The following PIP5K1B variants were observed in gnomAD, a reference collection of about 807,000 sequenced individuals.
PIP5K1B encodes the protein phosphatidylinositol-4-phosphate 5-kinase type 1 beta, also known as phosphatidylinositol 4-phosphate 5-kinase type-1 beta.
PIP5K1B carries 42 observed loss-of-function variants against 67.0 expected under a neutral mutation model. The ratio of observed to expected loss-of-function variants is 0.63; its 90% CI spans 0.49 to 0.81. The LOEUF is 0.81. PIP5K1B is among the 30% of genes least tolerant of loss of function. The pLI is 0.00. For missense variants in PIP5K1B, 459 were observed against 646.3 expected, an observed-to-expected ratio of 0.71 and a Z score of 3.14; for synonymous variants, 214 against 231.4, an observed-to-expected ratio of 0.92 and a Z score of 0.68.
chr9:68,846,192 A>G (rs1388185245), intron 4 of PIP5K1B, among the ~76,000 whole-genome samples: 1 of 152,208 alleles, frequency 6.6e-6, no homozygotes, highest in African/African-American at 2.4e-5. Flanking sequence ...CCCAGGAAAC[A>G]CCTACATTCT....
chr9:68,832,550 T>C (rs1458443280), intron 4 of PIP5K1B, among the ~76,000 whole-genome samples: 2 of 152,162 alleles, frequency 1.3e-5, no homozygotes, highest in African/African-American at 4.8e-5. Flanking sequence ...GGCAGCTCAG[T>C]CCTCTGCATG....
At chr9:68,763,856 A>G (rs1830300727) in intron 2 of PIP5K1B, among the ~76,000 whole-genome samples, 1 of 152,126 alleles carries the variant, frequency 6.6e-6, no homozygotes, top group African/African-American at 2.4e-5. Context: ...TGAACATCAC[A>G]TGGTTTCTTA....
rs1418092841 is a variant in PIP5K1B, at chr9:68,851,694, A to G, written c.70-12143A>G. 3.3e-5 allele frequency among the ~76,000 whole-genome samples: 5 copies of G among 152,218 alleles called. No homozygotes were observed. In the South Asian group the frequency reaches 1.0e-3, roughly 31 times the overall value. On this transcript the variant is annotated intron_variant, in intron 4 of 15. Transcript: ENST00000265382. ...GCATGGAAAGCCCAGAGATCAGTGG[A>G]TGCAGAGACCAGAAATCACAAGGCA...
At chr9:68,998,191 C>T (rs1051476335) in intron 15 of PIP5K1B, among the ~76,000 whole-genome samples, 4 of 152,018 alleles carry the variant, frequency 2.6e-5, no homozygotes, top group Non-Finnish European at 5.9e-5. Context: ...CTGCCTCAGC[C>T]TCCCAAGTAG....
At chr9:68,997,181 A>G (rs935245399) in intron 15 of PIP5K1B, among the ~76,000 whole-genome samples, 2 of 152,236 alleles carry the variant, frequency 1.3e-5, no homozygotes, top group Admixed American at 6.5e-5. Context: ...ACAGCTTATC[A>G]TACTATTATG....
At chr9:68,844,360 G>T (rs1822075012) in intron 4 of PIP5K1B, among the ~76,000 whole-genome samples, 1 of 152,196 alleles carries the variant, frequency 6.6e-6, no homozygotes, top group Non-Finnish European at 1.5e-5. Context: ...TGGGAAGGGG[G>T]AACCAAGGGG....
chr9:68,916,595 TG>T (rs1229135368), intron 8 of PIP5K1B, among the ~76,000 whole-genome samples: 7 of 152,300 alleles, frequency 4.6e-5, no homozygotes, highest in African/African-American at 1.4e-4. Context: ...CTTTGAGGGC[TG>T]GGTGCGGTGG....
chr9:68,835,837 A>ATTT lies in PIP5K1B; in HGVS notation c.69+13168_69+13170dup, dbSNP rs9314823. ...TAAAAAGCCTGTGCCTAGAAAGTGA[A>ATTT]TTTTTTTTTTTTTTTTGCTTTCCGT... is the stretch of plus-strand genomic sequence containing the variant. On this transcript the variant is annotated intron_variant, in intron 4 of 15. Transcript: ENST00000265382. Among the ~76,000 whole-genome samples, 1,093 of 144,298 alleles carry ATTT rather than the reference A, an allele frequency of 7.6e-3. 5 individuals are homozygous for ATTT. Among genetic ancestry groups the ATTT allele is most frequent in the East Asian group, 0.022 (107 of 4,886 alleles). 94.7% of individuals were successfully genotyped at this position (144,298 alleles called of 152,430 possible). A position where few individuals can be genotyped will look rare whatever the true frequency, so the allele number is the denominator to read the frequency against.
At chr9:68,802,693 G>A (rs1391546920) in intron 2 of PIP5K1B, among the ~76,000 whole-genome samples, 2 of 152,008 alleles carry the variant, frequency 1.3e-5, no homozygotes, top group African/African-American at 4.8e-5. Flanking sequence ...TGAGAGTGAA[G>A]GGGATGTGCC....
chr9:68,983,983 A>T (rs1830001707), intron 14 of PIP5K1B, among the ~76,000 whole-genome samples: 1 of 152,212 alleles, frequency 6.6e-6, no homozygotes, highest in African/African-American at 2.4e-5. Context: ...TGAGCTCAGG[A>T]GTCCAAGGCT....
chr9:68,911,791 G>C (rs1825866727), intron 8 of PIP5K1B, among the ~76,000 whole-genome samples: 2 of 152,174 alleles, frequency 1.3e-5, no homozygotes, highest in South Asian at 4.1e-4. Flanking sequence ...GCTGAGATGA[G>C]AGGATCACTT....
In PIP5K1B at chr9:68,907,028, C is replaced by T. The variant is rs573911174; in HGVS notation, c.772-10520C>T. 5.3e-5 allele frequency among the ~76,000 whole-genome samples: 8 copies of T among 152,296 alleles called. No individual in the cohort carries two copies. In the East Asian group the frequency reaches 5.8e-4, roughly 11 times the overall value. ...TTTACTCTCTGTCCACTCAGATGTG[C>T]GGGGAAAATGTAGTTACTTAATTAT... On this transcript the variant is annotated intron_variant, in intron 8 of 15. Coordinates refer to ENST00000265382, the MANE Select transcript of PIP5K1B (RefSeq NM_003558.4).
At chr9:68,897,675 G>A (rs923774603) in intron 8 of PIP5K1B, among the ~76,000 whole-genome samples, 2 of 152,136 alleles carry the variant, frequency 1.3e-5, no homozygotes, top group Non-Finnish European at 2.9e-5. Flanking sequence ...GTGGTGCCAG[G>A]GAGCTCTTAA....
intron 8 of PIP5K1B, among the ~76,000 whole-genome samples, chr9:68,896,749 T>G (rs1825106673): frequency 6.6e-6 from 1 of 152,206 alleles, no homozygotes; most frequent in South Asian, 2.1e-4. Context: ...GGGATCTGGA[T>G]TCAACAGCTG....
chr9:68,787,866 C>T (rs1416126183), intron 2 of PIP5K1B, among the ~76,000 whole-genome samples: 1 of 152,146 alleles, frequency 6.6e-6, no homozygotes. Context: ...CTCCTGACCT[C>T]TGGTGATCCA....
chr9:68,718,602 G>A (rs1447098942), intron 1 of PIP5K1B, among the ~76,000 whole-genome samples: 1 of 152,144 alleles, frequency 6.6e-6, no homozygotes, highest in Admixed American at 6.5e-5. Context: ...TTTCCTGATT[G>A]CTTGCTCCTT....
At position 68,923,402 on chromosome 9, in the gene PIP5K1B, AT is replaced by A. The variant is rs768994126; in HGVS notation, c.1201+27del. 42,063 of 1,062,336 alleles carry A rather than the reference AT, an allele frequency of 0.04. No individual in the cohort carries two copies. Among genetic ancestry groups the A allele is most frequent in the South Asian group, 0.055 (2,862 of 52,274 alleles). The allele number at this position is 1,062,336 out of a possible 1,614,324, so 65.8% of individuals were successfully genotyped here. ...AAAATTCAAGGTAAGATTCTTATGA[AT>A]TTTTTTTTTTACTTTTAGCAGCTAA... On this transcript the variant is annotated intron_variant, in intron 12 of 15. Transcript: ENST00000265382.
intron 11 of PIP5K1B, among the ~76,000 whole-genome samples, chr9:68,921,986 T>C (rs776444171): frequency 6.6e-5 from 10 of 152,358 alleles, no homozygotes; most frequent in East Asian, 1.9e-4. Flanking sequence ...ACTTAAACAA[T>C]GTTTATTCAT....
At chr9:68,964,382 C>T (rs556449483) in intron 14 of PIP5K1B, among the ~76,000 whole-genome samples, 1 of 152,340 alleles carries the variant, frequency 6.6e-6, no homozygotes, top group South Asian at 2.1e-4. Flanking sequence ...CATGAGTAAA[C>T]ATCCGATCTT....
Sources: allele counts gnomAD v4.1 joint callset (sites outside exome capture counted in the v4.1 genomes callset), GRCh38; gene constraint gnomAD v4.1.1; transcripts MANE v1.5; gene names NCBI Gene and HGNC (gene_info 2026-07-23, HGNC 2026-07-21).